FTCD: variants seen among roughly 807,000 people sequenced by gnomAD.
FTCD encodes the protein formimidoyltransferase cyclodeaminase.
Under a neutral mutation model 62.9 loss-of-function variants are expected in FTCD, and 76 were observed. The ratio of observed to expected loss-of-function variants is 1.21; its 90% confidence interval spans 1.00 to 1.46. FTCD has a LOEUF of 1.46. FTCD is among the 40% of genes most tolerant of loss of function. FTCD has a pLI of 0.00. For missense variants in FTCD, 845 were observed against 751.3 expected (o/e 1.12, Z -1.46); for synonymous variants, 397 against 336.9 (o/e 1.18, Z -1.95).
intron 8 of FTCD, 111 bp downstream of exon 8, chr21:46,146,155 A>T: frequency 1.2e-6 from 1 of 839,006 alleles, no homozygotes; most frequent in Non-Finnish European, 2.0e-6. Context: ...GCCCAAAGGG[A>T]GGCGCTGGGA....
At chr21:46,152,138 C>A (rs560709135) in intron 3 of FTCD, 158 bp from the exon 4 acceptor site, 1 of 599,718 alleles carries the variant, frequency 1.7e-6, no homozygotes. Flanking sequence ...TGGATGGATG[C>A]GGGTGGTCCC....
chr21:46,141,024 CTT>C (rs1051751079), intron 10 of FTCD, among the ~76,000 whole-genome samples: 2 of 152,258 alleles, frequency 1.3e-5, no homozygotes, highest in Admixed American at 6.5e-5. Flanking sequence ...AACCACACGT[CTT>C]GTTTCCTTCC....
chr21:46,151,766 C>T (rs2079283814), intron 4 of FTCD, 29 bp from the exon 5 acceptor site: 6 of 1,611,310 alleles, frequency 3.7e-6, no homozygotes, highest in Admixed American at 1.7e-5. Context: ...TGGGGTGAGA[C>T]ATCCCCCACG....
rs376001900 is a variant in FTCD at position 46,150,112 on chromosome 21, G to A, written c.906+7C>T. 6.0e-5 allele frequency: 81 copies of A among 1,344,924 alleles called. No homozygotes were observed. Among genetic ancestry groups the A allele is most frequent in the Middle Eastern group, 2.3e-4 (1 of 4,424 alleles). 83.3% of individuals were successfully genotyped at this position (1,344,924 alleles called of 1,614,324 possible). On this transcript the variant is annotated splice_region_variant and intron_variant, in intron 7 of 13. Coordinates refer to ENST00000397746, the MANE Select transcript of FTCD (RefSeq NM_206965.2). ...CTGTCCGACCCTTCCTCGGCAGCCC[G>A]GCCCACCAGCCTGATCCGCTGCTCC...
chr21:46,139,709 G>T (rs960707841), intron 10 of FTCD, among the ~76,000 whole-genome samples: 1 of 152,236 alleles, frequency 6.6e-6, no homozygotes, highest in Non-Finnish European at 1.5e-5. Flanking sequence ...AGCAGTGATC[G>T]AGGAACAGAA....
At chr21:46,136,285 T>C, downstream of FTCD, 1 of 626,598 alleles carries the variant, frequency 1.6e-6, no homozygotes, top group Non-Finnish European at 2.8e-6. Flanking sequence ...TATTTTTTAA[T>C]GGAGAACTTC....
intron 12 of FTCD, among the ~76,000 whole-genome samples, chr21:46,138,160 G>C (rs1196779964): frequency 6.6e-6 from 1 of 152,072 alleles, no homozygotes; most frequent in African/African-American, 2.4e-5. Context: ...CAAAGTGCTG[G>C]GACCACAGGC....
intron 12 of FTCD, 73 bp from the exon 13 acceptor site, chr21:46,137,407 C>G (rs889295629): frequency 8.5e-7 from 1 of 1,176,072 alleles, no homozygotes; most frequent in Non-Finnish European, 1.3e-6. Context: ...CTCTGCCTGA[C>G]GGGCTCTGGG....
chr21:46,143,765 CA>C (rs929206315), intron 10 of FTCD, among the ~76,000 whole-genome samples: 2 of 152,120 alleles, frequency 1.3e-5, no homozygotes, highest in African/African-American at 4.8e-5. Flanking sequence ...GTGTCAGTGC[CA>C]AAGAAAAGCA....
chr21:46,137,223 C>A lies in FTCD; in HGVS notation c.1539+16G>T, dbSNP rs200000573. On this transcript the variant is annotated intron_variant, in intron 13 of 13. Transcript: ENST00000397746. ...CCCCACGTGGGGTCCGGGCACCACA[C>A]CTGCCTCCTGCTCACCTGGTCCTTA... is the stretch of plus-strand genomic sequence containing the variant. The A allele has an allele frequency of 1.1e-5, 17 of 1,602,164 alleles. No homozygotes were observed. The African/African-American group carries it at 1.9e-4, about 18-fold the overall frequency.
At chr21:46,140,078 G>A (rs914778113) in intron 10 of FTCD, among the ~76,000 whole-genome samples, 2 of 152,222 alleles carry the variant, frequency 1.3e-5, no homozygotes, top group Non-Finnish European at 2.9e-5. Context: ...TATGTATTTG[G>A]TGCAAGGTAC....
chr21:46,146,220 C>T (rs752262254), intron 8 of FTCD, 46 bp downstream of exon 8: 6 of 1,396,328 alleles, frequency 4.3e-6, no homozygotes, highest in Non-Finnish European at 6.0e-6. Context: ...GCCCGAGAGG[C>T]AGAGCCCGGG....
intron 12 of FTCD, among the ~76,000 whole-genome samples, chr21:46,138,074 A>T (rs1468949136): frequency 6.6e-6 from 1 of 151,918 alleles, no homozygotes; most frequent in Non-Finnish European, 1.5e-5. Flanking sequence ...TATCTATTGT[A>T]CAGCCAGGGT....
chr21:46,138,365 G>A, intron 12 of FTCD, 143 bp downstream of exon 12: 3 of 757,552 alleles, frequency 4.0e-6, no homozygotes, highest in Non-Finnish European at 6.5e-6. Context: ...GTTGGAGGAG[G>A]CCAAAGCCCC....
In FTCD at chr21:46,153,044, A is replaced by G; in HGVS notation, c.239-9T>C. On this transcript the variant is annotated splice_polypyrimidine_tract_variant and intron_variant, in intron 2 of 13. Transcript: ENST00000397746. Reference sequence around the variant, plus strand: ...CATGCGGGGGTGCTCTCCTGCAGAGAGACGGCGAGGCCGGGCAGGAGGCCA... The same window carrying G: ...CATGCGGGGGTGCTCTCCTGCAGAGGGACGGCGAGGCCGGGCAGGAGGCCA... The G allele has an allele frequency of 6.5e-7, 1 of 1,546,050 alleles. No individual in the cohort carries two copies. The highest frequency in any genetic ancestry group is 8.7e-7 in the Non-Finnish European group (1 of 1,145,714).
intron 2 of FTCD, 23 bp from the exon 3 acceptor site, chr21:46,153,058 G>A (rs1220738724): frequency 2.6e-6 from 4 of 1,542,334 alleles, no homozygotes; most frequent in Middle Eastern, 2.1e-4. Context: ...GGCGAGGCCG[G>A]GCAGGAGGCC....
At position 46,138,894 on chromosome 21, in the gene FTCD, A is replaced by G. The variant is rs1190731537; in HGVS notation, c.1290T>C (p.Pro430=). ...TCCAGGCTCACCTGTCCTTTTCCTC[A>G]GGTGTGTTCTTGGGGAGCCTCATTG... ...LEAMRLPKNT[P]EEKDRRTAAL... The change falls in exon 11 of 14, where the codon CCT becomes CCC. Residue 430 remains proline (P), a synonymous_variant. Transcript: ENST00000397746. 1 of 1,612,924 alleles carries G rather than the reference A, an allele frequency of 6.2e-7. No individual in the cohort carries two copies. The highest frequency in any genetic ancestry group is 2.2e-5 in the East Asian group (1 of 44,860).
chr21:46,144,644 TCCTCCCCCTCCCTCCCTCC>T (rs1295825879), intron 10 of FTCD, among the ~76,000 whole-genome samples: 1 of 288 alleles, frequency 3.5e-3, no homozygotes, highest in South Asian at 0.5. Context: ...CCTCTCCCTC[TCCTCCCCCTCCCTCCCTCC>T]CCATCCCTCC....
chr21:46,150,167 G>T lies in FTCD; in HGVS notation c.858C>A (p.Cys286Ter). Residue 286 changes from cysteine to a stop codon, truncating the protein, a stop_gained, in exon 7 of 14, where the codon TGC becomes TGA. Transcript: ENST00000397746. LOFTEE classifies it high-confidence loss of function. ...CCAGGATGAAGAGGTTCTCCTTCTCGCAGTAGAAGGCGGCCGCATCCAGCA... is the reference window on the plus strand; with the variant it reads ...CCAGGATGAAGAGGTTCTCCTTCTCTCAGTAGAAGGCGGCCGCATCCAGCA... ...KALLDAAAFY[C>*]EKENLFILEE... 2 of 1,609,956 alleles carry T rather than the reference G, an allele frequency of 1.2e-6. No individual in the cohort carries two copies. Among genetic ancestry groups the T allele is most frequent in the South Asian group, 1.1e-5 (1 of 90,466 alleles).
Sources: gnomAD v4.1 joint callset for allele counts (sites outside exome capture counted in the v4.1 genomes callset) on GRCh38, gnomAD v4.1.1 for gene constraint, MANE v1.5 for transcripts, NCBI Gene and HGNC (gene_info 2026-07-23, HGNC 2026-07-21) for gene names.